ADAP1: variants seen among roughly 807,000 people sequenced by gnomAD.
ADAP1 encodes ArfGAP with dual PH domains 1.
Under a neutral mutation model 54.9 loss-of-function variants are expected in ADAP1, and 31 were observed. The observed-to-expected ratio is 0.56, with a 90% CI of 0.42 to 0.76. The LOEUF (loss-of-function observed/expected upper bound fraction) is 0.76. Among genes scored for constraint, ADAP1 ranks in the 30% least tolerant of loss-of-function variants. ADAP1 has a pLI of 0.00. For synonymous variants in ADAP1, 313 were observed against 202.6 expected, an observed-to-expected ratio of 1.55 and a Z score of -4.63; for missense variants, 535 against 512.4, an observed-to-expected ratio of 1.04 and a Z score of -0.42.
At position 899,405 on chromosome 7, in the gene ADAP1, C is replaced by T; in HGVS notation, c.867+14G>A. Reference sequence around the variant, plus strand: ...GAGCTGCCCTCCCGTGCTGGGGCCACAGCTCCTCCTTACCAGGGGGTCTTT... The same window carrying T: ...GAGCTGCCCTCCCGTGCTGGGGCCATAGCTCCTCCTTACCAGGGGGTCTTT... On this transcript the variant is annotated intron_variant, in intron 9 of 10. Transcript: ENST00000265846. 6.2e-7 allele frequency: 1 copy of T among 1,612,788 alleles called. No homozygotes were observed. The highest frequency in any genetic ancestry group is 8.5e-7 in the Non-Finnish European group (1 of 1,179,734).
intron 4 of ADAP1, among the ~76,000 whole-genome samples, chr7:910,258 C>A (rs1320128747): frequency 3.9e-5 from 6 of 151,964 alleles, no homozygotes; most frequent in Non-Finnish European, 5.9e-5. Context: ...AAGCCCACAC[C>A]CGTTTACGAG....
At position 905,072 on chromosome 7, in the gene ADAP1, G is replaced by C. The variant is rs772134658; in HGVS notation, c.489C>G (p.Phe163Leu). Residue 163 changes from phenylalanine (F) to leucine (L), a missense_variant, in exon 5 of 11, where the codon TTC becomes TTG. Physicochemically the swap from Phe to Leu is conservative, Grantham distance 22 (BLOSUM62 0). Coordinates refer to ENST00000265846, the MANE Select transcript of ADAP1 (RefSeq NM_006869.4). ...LTEREGALKY[F>L]NRNDAKEPKA... ...GTCTGTGACTCACATCATTTCTGTT[G>C]AAATACTTCAGAGCACCCTCTCGTT... The C allele has an allele frequency of 1.9e-6, 3 of 1,611,270 alleles. No individual in the cohort carries two copies. The highest frequency in any genetic ancestry group is 2.5e-6 in the Non-Finnish European group (3 of 1,179,850).
intron 4 of ADAP1, among the ~76,000 whole-genome samples, chr7:918,927 TG>T (rs1167022788): frequency 2.3e-5 from 1 of 44,304 alleles, no homozygotes; most frequent in Non-Finnish European, 4.0e-5. Flanking sequence ...TGGGGACTGC[TG>T]GGGGGCAGAG....
chr7:905,480 A>AGGGAGAAGGGAGAAG, intron 4 of ADAP1: 1 of 82,388 alleles, frequency 1.2e-5, no homozygotes. Context: ...AGAAAGGGAA[A>AGGGAGAAGGGAGAAG]GGAGAAAGGA....
At chr7:921,194 C>A (rs1846180460) in intron 3 of ADAP1, among the ~76,000 whole-genome samples, 1 of 152,244 alleles carries the variant, frequency 6.6e-6, no homozygotes, top group South Asian at 2.1e-4. Context: ...GTCCCTCCCA[C>A]CCCTGGAAGC....
chr7:942,452 AGG>A (rs1452465896), intron 1 of ADAP1, among the ~76,000 whole-genome samples: 2 of 74,126 alleles, frequency 2.7e-5, no homozygotes, highest in East Asian at 5.3e-4. Context: ...AGGAGGAGGA[AGG>A]GAGAGAGGAG....
At chr7:951,090 T>C (rs1488674111) in intron 1 of ADAP1, among the ~76,000 whole-genome samples, 9 of 151,678 alleles carry the variant, frequency 5.9e-5, no homozygotes, top group Non-Finnish European at 8.8e-5. Context: ...TTTTAAAAAA[T>C]CCGGCCAGGC....
chr7:909,370 ACAGCAGGCGCCAGCGGGAACCCCGGT>A (rs1562918097), intron 4 of ADAP1, among the ~76,000 whole-genome samples: 1,819 of 113,834 alleles, frequency 0.016, 146 homozygotes, highest in Admixed American at 0.023. Flanking sequence ...GGTCCTCCCG[ACAGCAGGCGCCAGCGGGAACCCCGGT>A]CCTCCCGACA....
intron 1 of ADAP1, among the ~76,000 whole-genome samples, chr7:948,584 C>G (rs1242031180): frequency 1.3e-5 from 2 of 152,180 alleles, no homozygotes; most frequent in African/African-American, 2.4e-5. Flanking sequence ...CTGTCACCAC[C>G]ACCACCTGGA....
chr7:933,459 GGGGC>G lies in ADAP1; in HGVS notation c.213+1912_213+1915del, dbSNP rs1846646941. On this transcript the variant is annotated intron_variant, in intron 2 of 10. Coordinates refer to ENST00000265846, the MANE Select transcript of ADAP1 (RefSeq NM_006869.4). ...GAAGCAAATGAGCTACTCCCAACCA[GGGGC>G]AGGGGTCAGTGGTGCTGGAGAGCCG... 5.2e-5 allele frequency among the ~76,000 whole-genome samples: 5 copies of G among 95,810 alleles called. No homozygotes were observed. In the South Asian group the frequency reaches 3.1e-3, roughly 60 times the overall value. 62.9% of individuals were successfully genotyped at this position (95,810 alleles called of 152,430 possible). A position where few individuals can be genotyped will look rare whatever the true frequency, so the allele number is the denominator to read the frequency against.
chr7:900,883 AGGGCC>A lies in ADAP1; in HGVS notation c.649-272_649-268del, dbSNP rs768360845. 9.0e-3 allele frequency: 3,529 copies of A among 393,402 alleles called. 58 individuals carry two copies. Among genetic ancestry groups the A allele is most frequent in the African/African-American group, 0.08 (2,528 of 31,778 alleles). 24.4% of individuals were successfully genotyped at this position (393,402 alleles called of 1,614,324 possible). On this transcript the variant is annotated intron_variant, in intron 6 of 10. Coordinates refer to ENST00000265846, the MANE Select transcript of ADAP1 (RefSeq NM_006869.4). ...GTCCTGAGAAGGGCCGAAGGGCCGAAGGGCCGGGCCGGGCCGGGCTGGACAGGGTC... is the reference window on the plus strand; with the variant it reads ...GTCCTGAGAAGGGCCGAAGGGCCGAAGGGCCGGGCCGGGCTGGACAGGGTC...
chr7:932,144 G>A lies in ADAP1; in HGVS notation c.213+3231C>T, dbSNP rs116578444. Among the ~76,000 whole-genome samples the A allele has an allele frequency of 2.3e-3, 344 of 152,350 alleles. 2 individuals are homozygous for A. The highest frequency in any genetic ancestry group is 7.3e-3 in the African/African-American group (305 of 41,584). On this transcript the variant is annotated intron_variant, in intron 2 of 10. Coordinates refer to ENST00000265846, the MANE Select transcript of ADAP1 (RefSeq NM_006869.4). ...CGCACCAGTGAACGTGCAGACAACA[G>A]AATGGGGATGGAATCTCCTTGTGGC...
intron 1 of ADAP1, among the ~76,000 whole-genome samples, chr7:947,958 G>C (rs1847184788): frequency 4.0e-5 from 6 of 151,488 alleles, no homozygotes; most frequent in Admixed American, 3.3e-4. Context: ...CCTGCGAGGT[G>C]CACGGCTGCC....
Position 916,754 on chromosome 7 carries a change from G to T in ADAP1, c.388+3214C>A, listed in dbSNP as rs1052979128. 3.9e-5 allele frequency among the ~76,000 whole-genome samples: 6 copies of T among 152,106 alleles called. No individual in the cohort carries two copies. In the East Asian group the frequency reaches 1.2e-3, roughly 29 times the overall value. On this transcript the variant is annotated intron_variant, in intron 4 of 10. Coordinates refer to ENST00000265846, the MANE Select transcript of ADAP1 (RefSeq NM_006869.4). ...CAGGCTGGCTGTGTGCCAAGTGGGG[G>T]TTGGGGGGGCAGGAGCTGCCCTGGA... is the stretch of plus-strand genomic sequence containing the variant.
chr7:904,421 C>T lies in ADAP1; in HGVS notation c.502-149G>A, dbSNP rs1387851138. On this transcript the variant is annotated intron_variant, in intron 5 of 10. Coordinates refer to ENST00000265846, the MANE Select transcript of ADAP1 (RefSeq NM_006869.4). ...CTTAAGCGCTCTGAGCCTTGGCCTC[C>T]CGGTCTGTAAGCAGAAGGTAACAGC... 4 of 989,808 alleles carry T rather than the reference C, an allele frequency of 4.0e-6. No individual in the cohort carries two copies. The Admixed American group carries it at 1.3e-4, about 31-fold the overall frequency. The allele number at this position is 989,808 out of a possible 1,614,324, so 61.3% of individuals were successfully genotyped here.
chr7:930,979 C>CAA (rs545321889), intron 2 of ADAP1, among the ~76,000 whole-genome samples: 3,980 of 83,234 alleles, frequency 0.048, 97 homozygotes, highest in East Asian at 0.23. Flanking sequence ...GACTGTGTCT[C>CAA]AAAAAAAAAA....
At chr7:899,317 C>T in intron 9 of ADAP1, 56 bp from the exon 10 acceptor site, 1 of 1,607,862 alleles carries the variant, frequency 6.2e-7, no homozygotes, top group Non-Finnish European at 8.5e-7. Context: ...CCCCGCTTCA[C>T]TCAGGCCAGG....
At chr7:930,115 A>AAG (rs1846520872) in intron 2 of ADAP1, among the ~76,000 whole-genome samples, 1 of 150,174 alleles carries the variant, frequency 6.7e-6, no homozygotes, top group East Asian at 2.0e-4. Context: ...AAAAAAAAAA[A>AAG]AAAAAAAAAA....
chr7:925,086 G>A (rs550305938), intron 3 of ADAP1, among the ~76,000 whole-genome samples: 1 of 152,172 alleles, frequency 6.6e-6, no homozygotes, highest in Non-Finnish European at 1.5e-5. Context: ...GATTGCAGCT[G>A]GACCTGTCTC....
Sources: gnomAD v4.1 joint callset for allele counts (sites outside exome capture counted in the v4.1 genomes callset) on GRCh38, gnomAD v4.1.1 for gene constraint, MANE v1.5 for transcripts, NCBI Gene and HGNC (gene_info 2026-07-23, HGNC 2026-07-21) for gene names.